Variants in CCDC91 observed in about 807,000 individuals in gnomAD.
CCDC91 encodes coiled-coil domain containing 91, also known as coiled-coil domain-containing protein 91.
In CCDC91, 48 loss-of-function variants were observed where a neutral mutation model predicts 63.2. The observed-to-expected ratio is 0.76, with a 90% CI of 0.60 to 0.97. The LOEUF is 0.97. Ranked by LOEUF, CCDC91 falls within the 50% of genes least tolerant of loss-of-function variation. CCDC91 has a pLI of 0.00. For synonymous variants in CCDC91, 167 were observed against 165.8 expected (o/e 1.01, Z -0.06); for missense variants, 500 against 494.6 (o/e 1.01, Z -0.10).
chr12:28,487,366 T>C (rs1381848726), intron 12 of CCDC91, among the ~76,000 whole-genome samples: 2 of 151,892 alleles, frequency 1.3e-5, no homozygotes, highest in African/African-American at 4.8e-5. Flanking sequence ...AAATTGAGAT[T>C]CTCTATATTC....
chr12:28,218,618 C>T (rs1943722508), intron 1 of CCDC91, among the ~76,000 whole-genome samples: 1 of 151,990 alleles, frequency 6.6e-6, no homozygotes, highest in African/African-American at 2.4e-5. Flanking sequence ...CACCTCTGGT[C>T]CCTGGCAACC....
In CCDC91 at chr12:28,259,412, C is replaced by T. The variant is rs1436268212; in HGVS notation, c.79C>T (p.Pro27Ser). 7 of 1,610,644 alleles carry T rather than the reference C, an allele frequency of 4.3e-6. No homozygotes were observed. The highest frequency in any genetic ancestry group is 4.2e-6 in the Non-Finnish European group (5 of 1,177,976). The part of the protein sequence containing the change: ...GGSGETQTTS[P>S]AIPWAAFPAV... Reference sequence around the variant, plus strand: ...AAGTGGTGAAACCCAAACAACATCTCCTGCTATTCCTTGGGCTGCCTTTCC... The same window carrying T: ...AAGTGGTGAAACCCAAACAACATCTTCTGCTATTCCTTGGGCTGCCTTTCC... Residue 27 changes from proline to serine, a missense_variant, in exon 3 of 13, where the codon CCT becomes TCT. Pro to Ser is a moderately conservative substitution (Grantham distance 74). Coordinates refer to ENST00000536442, the MANE Select transcript of CCDC91 (RefSeq NM_018318.5).
chr12:28,341,448 G>A (rs1229195118), intron 6 of CCDC91, among the ~76,000 whole-genome samples: 1 of 152,064 alleles, frequency 6.6e-6, no homozygotes, highest in Non-Finnish European at 1.5e-5. Flanking sequence ...CACATTTAAG[G>A]ACTTTTGTGA....
intron 7 of CCDC91, among the ~76,000 whole-genome samples, chr12:28,370,642 T>C (rs1324260976): frequency 1.3e-5 from 2 of 152,202 alleles, no homozygotes; most frequent in Non-Finnish European, 2.9e-5. Context: ...CCACTCCCAG[T>C]ACCAATTTTT....
chr12:28,236,034 C>T (rs1225182138), intron 1 of CCDC91, among the ~76,000 whole-genome samples: 1 of 152,010 alleles, frequency 6.6e-6, no homozygotes, highest in Non-Finnish European at 1.5e-5. Context: ...GTAGACCTTG[C>T]TATGCTTTGC....
chr12:28,249,870 G>T (rs1269293292), intron 1 of CCDC91, among the ~76,000 whole-genome samples: 1 of 152,098 alleles, frequency 6.6e-6, no homozygotes, highest in Non-Finnish European at 1.5e-5. Flanking sequence ...TGAGCGATGA[G>T]ATTTTGCCAG....
intron 1 of CCDC91, 161 bp from the exon 2 acceptor site, chr12:28,257,041 A>C: frequency 2.0e-6 from 1 of 493,172 alleles, no homozygotes; most frequent in East Asian, 3.4e-5. Context: ...TAATTTTGCC[A>C]AAAAGTAAAA....
intron 12 of CCDC91, among the ~76,000 whole-genome samples, chr12:28,517,618 G>A (rs1371389846): frequency 6.6e-6 from 1 of 151,908 alleles, no homozygotes; most frequent in Non-Finnish European, 1.5e-5. Context: ...TTGGGGAGCA[G>A]GTGGTATTTG....
chr12:28,386,475 T>C (rs1325161522), intron 7 of CCDC91, among the ~76,000 whole-genome samples: 1 of 152,152 alleles, frequency 6.6e-6, no homozygotes, highest in Non-Finnish European at 1.5e-5. Context: ...TTCAAGCGAT[T>C]CTCCTGCCTG....
chr12:28,335,918 G>A (rs1047566914), intron 6 of CCDC91, among the ~76,000 whole-genome samples: 2 of 150,168 alleles, frequency 1.3e-5, no homozygotes, highest in African/African-American at 4.9e-5. Flanking sequence ...GTTGCATCAT[G>A]GCCTATAGAA....
intron 6 of CCDC91, among the ~76,000 whole-genome samples, chr12:28,343,362 G>C (rs1217794173): frequency 6.6e-6 from 1 of 152,054 alleles, no homozygotes. Context: ...TATATATGGA[G>C]GTGGGAATGG....
At chr12:28,276,444 AT>A (rs1317570307) in intron 3 of CCDC91, among the ~76,000 whole-genome samples, 1 of 151,930 alleles carries the variant, frequency 6.6e-6, no homozygotes, top group Non-Finnish European at 1.5e-5. Context: ...GAAAATAACT[AT>A]TTTCTTTCTC....
At chr12:28,426,391 A>G (rs11613130) in intron 8 of CCDC91, among the ~76,000 whole-genome samples, 4,065 of 152,240 alleles carry the variant, frequency 0.027, 78 homozygotes, top group Non-Finnish European at 0.042. Flanking sequence ...ATTGAAAGCT[A>G]TTACTTGAAA....
chr12:28,526,517 TG>T (rs1241700245), intron 12 of CCDC91, among the ~76,000 whole-genome samples: 1 of 152,190 alleles, frequency 6.6e-6, no homozygotes, highest in Admixed American at 6.5e-5. Context: ...CTGGTGTTTT[TG>T]CCTCACAGCT....
chr12:28,266,736 T>A (rs1245931434), intron 3 of CCDC91, among the ~76,000 whole-genome samples: 1 of 151,952 alleles, frequency 6.6e-6, no homozygotes, highest in Non-Finnish European at 1.5e-5. Flanking sequence ...TAGGATATAT[T>A]TAGAGAAAAG....
chr12:28,229,500 C>T (rs1298257751), intron 1 of CCDC91, among the ~76,000 whole-genome samples: 2 of 152,052 alleles, frequency 1.3e-5, no homozygotes, highest in African/African-American at 4.8e-5. Flanking sequence ...AGCTGAGATA[C>T]GAATCAGAAG....
intron 11 of CCDC91, among the ~76,000 whole-genome samples, chr12:28,463,896 C>A (rs142694857): frequency 5.6e-4 from 86 of 152,280 alleles, no homozygotes; most frequent in African/African-American, 2.0e-3. Flanking sequence ...AAAGCACCTT[C>A]ATAAAAACCA....
intron 8 of CCDC91, among the ~76,000 whole-genome samples, chr12:28,397,783 T>A (rs7967156): frequency 6.6e-6 from 1 of 152,132 alleles, no homozygotes; most frequent in Non-Finnish European, 1.5e-5. Flanking sequence ...TAGATATATA[T>A]AAAATGCTAC....
At chr12:28,461,432 A>G (rs1476860395) in intron 11 of CCDC91, among the ~76,000 whole-genome samples, 1 of 152,106 alleles carries the variant, frequency 6.6e-6, no homozygotes, top group Non-Finnish European at 1.5e-5. Flanking sequence ...AATTACTAAT[A>G]TTTCAAAAAT....
Sources: allele counts gnomAD v4.1 joint callset (sites outside exome capture counted in the v4.1 genomes callset), GRCh38; gene constraint gnomAD v4.1.1; transcripts MANE v1.5; gene names NCBI Gene and HGNC (gene_info 2026-07-23, HGNC 2026-07-21).